Variants in STAU1 observed in about 807,000 individuals in gnomAD.
The protein encoded by STAU1 is double-stranded RNA-binding protein Staufen homolog 1.
In STAU1, 13 loss-of-function variants were observed where a neutral mutation model predicts 62.9. The ratio of observed to expected loss-of-function variants is 0.21; its 90% CI spans 0.13 to 0.33. The LOEUF (loss-of-function observed/expected upper bound fraction) is 0.33, where lower values mean the gene tolerates loss of function less well. Among genes scored for constraint, STAU1 ranks in the 10% least tolerant of loss-of-function variants. The pLI, the probability that STAU1 is intolerant of heterozygous loss-of-function variation, is 1.00. For synonymous variants in STAU1, 269 were observed against 265.1 expected, an observed-to-expected ratio of 1.01 and a Z score of -0.14; for missense variants, 571 against 712.1, an observed-to-expected ratio of 0.80 and a Z score of 2.25.
intron 6 of STAU1, among the ~76,000 whole-genome samples, chr20:49,131,416 T>G (rs2145975568): frequency 6.6e-6 from 1 of 152,336 alleles, no homozygotes; most frequent in East Asian, 1.9e-4. Flanking sequence ...AGATTGTGGT[T>G]ATTTAAGAGA....
the STAU1 span, among the ~76,000 whole-genome samples, chr20:49,205,316 T>C: frequency 6.6e-6 from 1 of 152,092 alleles, no homozygotes; most frequent in African/African-American, 2.4e-5. Context: ...GCTCTTATTA[T>C]ATCCACATAT....
intron 5 of STAU1, among the ~76,000 whole-genome samples, chr20:49,136,152 G>A (rs2092877524): frequency 6.6e-6 from 1 of 150,898 alleles, no homozygotes; most frequent in Non-Finnish European, 1.5e-5. Flanking sequence ...ACAAAACTTA[G>A]GTGGATGTGG....
chr20:49,135,863 T>C lies in STAU1; in HGVS notation c.579A>G (p.Ala193=), dbSNP rs975253170. 6.8e-6 allele frequency: 11 copies of C among 1,613,830 alleles called. No individual in the cohort carries two copies. Among genetic ancestry groups the C allele is most frequent in the Admixed American group, 5.0e-5 (3 of 59,962 alleles). The change falls in exon 6 of 14, where the codon GCA becomes GCG. Residue 193 remains alanine, a synonymous_variant. Transcript: ENST00000371856. The part of the protein sequence containing the change: ...KSEISQVFEI[A]LKRNLPVNFE... ...AATTCACAGGCAAGTTCCGTTTAAGTGCAATCTCAAACACTTGACTTATTT... is the reference window on the plus strand; with the variant it reads ...AATTCACAGGCAAGTTCCGTTTAAGCGCAATCTCAAACACTTGACTTATTT...
Position 49,153,710 on chromosome 20 carries a change from C to CA in STAU1, c.344+222dup, listed in dbSNP as rs145558067. ...TGGGTGACAGAGCAAGACTCTGTCTCAAAAAAAAAAAAAAAAAAAAAAAAA... is the reference window on the plus strand; with the variant it reads ...TGGGTGACAGAGCAAGACTCTGTCTCAAAAAAAAAAAAAAAAAAAAAAAAAA... On this transcript the variant is annotated intron_variant, in intron 4 of 13. Transcript: ENST00000371856. Among the ~76,000 whole-genome samples, 506 of 67,530 alleles carry CA rather than the reference C, an allele frequency of 7.5e-3. 15 individuals are homozygous for CA. Among genetic ancestry groups the CA allele is most frequent in the East Asian group, 0.015 (33 of 2,132 alleles). 44.3% of individuals were successfully genotyped at this position (67,530 alleles called of 152,430 possible). A position where few individuals can be genotyped will look rare whatever the true frequency, so the allele number is the denominator to read the frequency against.
At chr20:49,193,535 A>G in the STAU1 span, among the ~76,000 whole-genome samples, 1 of 152,154 alleles carries the variant, frequency 6.6e-6, no homozygotes, top group Non-Finnish European at 1.5e-5. Context: ...GCTGGGCGTG[A>G]TGGTGCCCAC....
At chr20:49,213,343 GTC>G in the STAU1 span, among the ~76,000 whole-genome samples, 2 of 151,834 alleles carry the variant, frequency 1.3e-5, no homozygotes, top group African/African-American at 4.8e-5. Flanking sequence ...CAATTCTCCT[GTC>G]TCAGCCTCCT....
At chr20:49,201,071 A>AAG in the STAU1 span, among the ~76,000 whole-genome samples, 5 of 104,648 alleles carry the variant, frequency 4.8e-5, no homozygotes, top group Admixed American at 1.4e-4. Flanking sequence ...AAAAAAAAAA[A>AAG]AAGAAGAAGA....
chr20:49,204,405 T>C, the STAU1 span, among the ~76,000 whole-genome samples: 1 of 151,714 alleles, frequency 6.6e-6, no homozygotes, highest in Non-Finnish European at 1.5e-5. Flanking sequence ...TTCACCTATA[T>C]TTACATGCAT....
chr20:49,191,806 T>C (rs1004503035), upstream of STAU1, among the ~76,000 whole-genome samples: 2 of 152,154 alleles, frequency 1.3e-5, no homozygotes, highest in Non-Finnish European at 2.9e-5. Context: ...ATCCCAGCAC[T>C]TTGGGAGGCC....
At chr20:49,125,160 C>T (rs1300984713) in intron 6 of STAU1, among the ~76,000 whole-genome samples, 1 of 74,022 alleles carries the variant, frequency 1.4e-5, no homozygotes, top group Admixed American at 2.0e-4. Flanking sequence ...AATATCTACA[C>T]ATATATAAAC....
At position 49,160,952 on chromosome 20, in the gene STAU1, GCAAT is replaced by G. The variant is rs778658890; in HGVS notation, c.205+5041_205+5044del. Among the ~76,000 whole-genome samples, 31 of 152,224 alleles carry G rather than the reference GCAAT, an allele frequency of 2.0e-4. No homozygotes were observed. In the South Asian group the frequency reaches 3.9e-3, roughly 19 times the overall value. On this transcript the variant is annotated intron_variant, in intron 3 of 13. Coordinates refer to ENST00000371856, the MANE Select transcript of STAU1 (RefSeq NM_017453.4). ...TGGCCCAAAGCTGGAAAACTTACGG[GCAAT>G]CAATCACAGGTGCTTGAGAATTGTC...
intron 3 of STAU1, among the ~76,000 whole-genome samples, chr20:49,155,452 G>T (rs1169722626): frequency 2.6e-5 from 4 of 151,966 alleles, no homozygotes; most frequent in Non-Finnish European, 5.9e-5. Flanking sequence ...AAGAAAACCA[G>T]CCTGGAAAGA....
intron 5 of STAU1, among the ~76,000 whole-genome samples, chr20:49,137,127 A>G (rs968089503): frequency 2.0e-5 from 3 of 152,214 alleles, no homozygotes; most frequent in Admixed American, 1.3e-4. Flanking sequence ...TCATGCCTGT[A>G]AACAGCCACT....
chr20:49,137,257 C>T (rs1041063527), intron 5 of STAU1, among the ~76,000 whole-genome samples: 2 of 151,950 alleles, frequency 1.3e-5, no homozygotes, highest in African/African-American at 4.8e-5. Context: ...CGGCTGTTGG[C>T]AAAAAAATAC....
chr20:49,151,639 A>G lies in STAU1; in HGVS notation c.453T>C (p.Asp151=). The change falls in exon 5 of 14, where the codon GAT becomes GAC. Residue 151 remains aspartate (D), a synonymous_variant. Transcript: ENST00000371856. ...GGATCCTCAACGCTTTGGCAGCAGCATCGTGTTTCGCAGCCTGTCTTGTCT... is the reference window on the plus strand; with the variant it reads ...GGATCCTCAACGCTTTGGCAGCAGCGTCGTGTTTCGCAGCCTGTCTTGTCT... The part of the protein sequence containing the change: ...KGKTRQAAKH[D]AAAKALRILQ... The G allele has an allele frequency of 6.2e-7, 1 of 1,612,588 alleles. No individual in the cohort carries two copies. The highest frequency in any genetic ancestry group is 1.1e-5 in the South Asian group (1 of 90,712).
chr20:49,194,759 A>G, the STAU1 span, among the ~76,000 whole-genome samples: 15 of 151,854 alleles, frequency 9.9e-5, no homozygotes, highest in Admixed American at 9.9e-4. Context: ...TTGCATTTTC[A>G]GCAGAGATGG....
At chr20:49,124,153 A>G (rs1361973095) in intron 7 of STAU1, among the ~76,000 whole-genome samples, 2 of 152,166 alleles carry the variant, frequency 1.3e-5, no homozygotes, top group Non-Finnish European at 2.9e-5. Context: ...GCCCTCCTGC[A>G]CAGATGTGTG....
intron 3 of STAU1, among the ~76,000 whole-genome samples, chr20:49,155,310 G>A (rs1219490027): frequency 6.6e-6 from 1 of 152,094 alleles, no homozygotes; most frequent in Non-Finnish European, 1.5e-5. Flanking sequence ...TACTTGCTAC[G>A]AAAATGAGTT....
the STAU1 span, among the ~76,000 whole-genome samples, chr20:49,208,975 A>G: frequency 7.0e-6 from 1 of 142,424 alleles, no homozygotes; most frequent in Non-Finnish European, 1.5e-5. Flanking sequence ...TTACTCTGTC[A>G]CCCATGCTGG....
Sources: gnomAD v4.1 joint callset for allele counts (sites outside exome capture counted in the v4.1 genomes callset) on GRCh38, gnomAD v4.1.1 for gene constraint, MANE v1.5 for transcripts, NCBI Gene and HGNC (gene_info 2026-07-23, HGNC 2026-07-21) for gene names.